TBX18: variants seen among roughly 807,000 people sequenced by gnomAD.
TBX18 encodes the protein T-box transcription factor TBX18.
In TBX18, 21 loss-of-function variants were observed where a neutral mutation model predicts 55.0. The observed-to-expected ratio is 0.38, with a 90% CI of 0.27 to 0.55. The LOEUF (loss-of-function observed/expected upper bound fraction) is 0.55. TBX18 is among the 20% of genes least tolerant of loss of function. The pLI, the probability that TBX18 is intolerant of heterozygous loss-of-function variation, is 0.73. For synonymous variants in TBX18, 342 were observed against 326.1 expected, an observed-to-expected ratio of 1.05 and a Z score of -0.53; for missense variants, 840 against 799.6, an observed-to-expected ratio of 1.05 and a Z score of -0.61.
intron 4 of TBX18, among the ~76,000 whole-genome samples, chr6:84,753,366 T>TAA: frequency 6.6e-6 from 1 of 152,050 alleles, no homozygotes; most frequent in East Asian, 1.9e-4. Context: ...GTCCCAGGTC[T>TAA]CTAAGGAGTT....
chr6:84,754,237 G>A (rs971989358), intron 4 of TBX18, among the ~76,000 whole-genome samples: 13 of 152,094 alleles, frequency 8.5e-5, no homozygotes, highest in Admixed American at 6.5e-5. Context: ...CCAAGCCACC[G>A]TGCCCAGCTT....
intron 6 of TBX18, among the ~76,000 whole-genome samples, chr6:84,739,901 GTC>G (rs1767003469): frequency 1.3e-5 from 2 of 152,230 alleles, no homozygotes; most frequent in Admixed American, 6.5e-5. Flanking sequence ...TCAGGGTATA[GTC>G]TCTGTTAATT....
chr6:84,762,785 G>C (rs374877196), intron 1 of TBX18, 37 bp from the exon 2 acceptor site: 37 of 1,557,820 alleles, frequency 2.4e-5, no homozygotes, highest in Middle Eastern at 4.6e-4. Context: ...AACTGGTGAG[G>C]GAAACAGAGG....
intron 6 of TBX18, among the ~76,000 whole-genome samples, chr6:84,742,912 T>G (rs960506935): frequency 6.6e-6 from 1 of 152,172 alleles, no homozygotes; most frequent in Non-Finnish European, 1.5e-5. Context: ...AGTGGCCATC[T>G]CCAGTTATTA....
intron 5 of TBX18, among the ~76,000 whole-genome samples, chr6:84,745,939 C>A (rs1181020709): frequency 6.6e-6 from 1 of 152,108 alleles, no homozygotes; most frequent in Non-Finnish European, 1.5e-5. Flanking sequence ...TAAACTGAAG[C>A]TTAAGTAAGC....
chr6:84,756,509 C>T (rs1338582656), intron 4 of TBX18, among the ~76,000 whole-genome samples, 189 bp downstream of exon 4: 1 of 152,170 alleles, frequency 6.6e-6, no homozygotes, highest in African/African-American at 2.4e-5. Flanking sequence ...CTATTAAATG[C>T]CTCATCGGAT....
chr6:84,755,497 T>C (rs530770629), intron 4 of TBX18, among the ~76,000 whole-genome samples: 3 of 152,222 alleles, frequency 2.0e-5, no homozygotes, highest in Admixed American at 1.3e-4. Flanking sequence ...TTCACTGAAT[T>C]CCTGTGAAAA....
chr6:84,764,083 C>T lies in TBX18; in HGVS notation c.99G>A (p.Gln33=), dbSNP rs1291224367. 2 of 1,584,478 alleles carry T rather than the reference C, an allele frequency of 1.3e-6. No individual in the cohort carries two copies. Among genetic ancestry groups the T allele is most frequent in the African/African-American group, 1.3e-5 (1 of 74,222 alleles). ...CCAGTTTTCGCCGCTTCTTCTGAAG[C>T]TGTTGCTGCTTCTCGGCGCCGATCA... is the stretch of plus-strand genomic sequence containing the variant. ...EALIGAEKQQ[Q]LQKKRRKLGA... The change falls in exon 1 of 8, where the codon CAG becomes CAA. Residue 33 remains glutamine (Q), a synonymous_variant. Transcript: ENST00000369663.
chr6:84,756,910 C>G, intron 3 of TBX18, 41 bp from the exon 4 acceptor site: 1 of 1,588,180 alleles, frequency 6.3e-7, no homozygotes, highest in Non-Finnish European at 8.6e-7. Flanking sequence ...CTGTTTTTAT[C>G]TTGGCATGTC....
chr6:84,738,744 G>C (rs1347444846), intron 6 of TBX18, among the ~76,000 whole-genome samples, 153 bp from the exon 7 acceptor site: 2 of 152,182 alleles, frequency 1.3e-5, no homozygotes, highest in Admixed American at 1.3e-4. Context: ...AAGAAGAAAT[G>C]CTTCAGCAAT....
rs958623298 is a variant in TBX18 at position 84,733,686 on chromosome 6, A to G, written c.*2999T>C. The G allele has an allele frequency of 1.3e-5, 2 of 152,200 alleles. No individual in the cohort carries two copies. The highest frequency in any genetic ancestry group is 4.8e-5 in the African/African-American group (2 of 41,450). 9.4% of individuals were successfully genotyped at this position (152,200 alleles called of 1,614,324 possible). On this transcript the variant is annotated 3_prime_UTR_variant, in exon 8 of 8. Coordinates refer to ENST00000369663, the MANE Select transcript of TBX18 (RefSeq NM_001080508.3). ...CCAGAATTGTCCTGCTACAAAAATT[A>G]CTTTTTCCTCTAAGTCAAACCTCCA...
intron 4 of TBX18, among the ~76,000 whole-genome samples, chr6:84,754,568 A>T (rs900638378): frequency 5.3e-5 from 8 of 152,196 alleles, no homozygotes; most frequent in African/African-American, 1.9e-4. Context: ...TAATAGTAAA[A>T]TATTATAATT....
intron 6 of TBX18, 84 bp from the exon 7 acceptor site, chr6:84,738,675 A>C: frequency 3.8e-4 from 366 of 972,316 alleles, no homozygotes; most frequent in Non-Finnish European, 5.0e-4. Context: ...CAAGCATCTC[A>C]AAACAACACT....
intron 2 of TBX18, 86 bp downstream of exon 2, chr6:84,762,458 G>T: frequency 6.8e-7 from 1 of 1,480,274 alleles, no homozygotes; most frequent in Non-Finnish European, 9.4e-7. Flanking sequence ...CCACCGAGCT[G>T]CAGGCCCTTC....
At position 84,762,730 on chromosome 6, in the gene TBX18, AAGCCGTCCTCAC is replaced by A. The variant is rs763752712; in HGVS notation, c.299_310del (p.Cys100_Gly103del). The A allele has an allele frequency of 1.3e-5, 21 of 1,606,654 alleles. No homozygotes were observed. The Admixed American group carries it at 3.6e-4, about 27-fold the overall frequency. ...CGCCAGAGGGGAAGCTCCCTGCTGG[AAGCCGTCCTCAC>A]AGCCGCCTGGACAGCAAAGGACAGA... On this transcript the variant is annotated inframe_deletion, in exon 2 of 8. Transcript: ENST00000369663.
intron 5 of TBX18, among the ~76,000 whole-genome samples, chr6:84,747,458 C>T (rs1214744174): frequency 1.3e-5 from 2 of 152,170 alleles, no homozygotes; most frequent in African/African-American, 4.8e-5. Context: ...TCCTCTATCA[C>T]AATTAAAGCA....
chr6:84,750,930 T>C (rs1314131163), intron 4 of TBX18, among the ~76,000 whole-genome samples: 1 of 152,188 alleles, frequency 6.6e-6, no homozygotes, highest in Admixed American at 6.5e-5. Context: ...ATTTATCTCA[T>C]TAGAAAGTGA....
intron 6 of TBX18, among the ~76,000 whole-genome samples, chr6:84,743,862 G>A (rs920015070): frequency 2.8e-4 from 42 of 152,134 alleles, no homozygotes; most frequent in African/African-American, 8.7e-4. Context: ...ATGACTTAAC[G>A]AAAGACCCTA....
intron 4 of TBX18, among the ~76,000 whole-genome samples, chr6:84,748,729 T>C (rs1247227712): frequency 2.0e-5 from 3 of 152,184 alleles, no homozygotes; most frequent in Non-Finnish European, 4.4e-5. Context: ...GGAAATCTGA[T>C]AATATGGTTC....
Sources: allele counts gnomAD v4.1 joint callset (sites outside exome capture counted in the v4.1 genomes callset), GRCh38; gene constraint gnomAD v4.1.1; transcripts MANE v1.5; gene names NCBI Gene and HGNC (gene_info 2026-07-23, HGNC 2026-07-21).